The following RBFOX1 variants were observed in gnomAD, a reference collection of about 807,000 sequenced individuals.
RBFOX1 encodes the protein RNA binding protein fox-1 homolog 1.
A neutral mutation model predicts 57.7 loss-of-function variants in RBFOX1; 8 were observed. The ratio of observed to expected loss-of-function variants is 0.14; its 90% CI spans 0.08 to 0.25. The LOEUF (loss-of-function observed/expected upper bound fraction) is 0.25, where lower values mean the gene tolerates loss of function less well. Among genes scored for constraint, RBFOX1 ranks in the 10% least tolerant of loss-of-function variants. The probability of loss-of-function intolerance (pLI) is 1.00; values close to 1 mark genes in which losing one functional copy is unlikely to be tolerated. For missense variants in RBFOX1, 611 were observed against 548.5 expected (o/e 1.11, Z -1.14); for synonymous variants, 326 against 222.4 (o/e 1.47, Z -4.15).
chr16:6,793,095 A>T (rs923860525), intron 3 of RBFOX1, among the ~76,000 whole-genome samples: 4 of 151,992 alleles, frequency 2.6e-5, no homozygotes, highest in Non-Finnish European at 5.9e-5. Flanking sequence ...TCTCTGCCAG[A>T]TTGCACAAAA....
intron 3 of RBFOX1, among the ~76,000 whole-genome samples, chr16:6,810,000 C>G (rs1386323661): frequency 6.7e-6 from 1 of 150,042 alleles, no homozygotes; most frequent in Non-Finnish European, 1.5e-5. Context: ...CTGGGTGTCT[C>G]TCTGAAAAAA....
chr16:5,769,630 G>T (rs535061315), intron 3 of RBFOX1, among the ~76,000 whole-genome samples: 91 of 152,218 alleles, frequency 6.0e-4, no homozygotes, highest in Non-Finnish European at 1.2e-3. Flanking sequence ...TCTAGTCTGG[G>T]CAACAGAGTG....
chr16:5,789,070 C>G (rs1171742227), intron 3 of RBFOX1, among the ~76,000 whole-genome samples: 1 of 152,138 alleles, frequency 6.6e-6, no homozygotes, highest in African/African-American at 2.4e-5. Flanking sequence ...TCCTTGTGCA[C>G]AAACCCTTCC....
chr16:5,788,865 T>A (rs564415085), intron 3 of RBFOX1, among the ~76,000 whole-genome samples: 1 of 152,210 alleles, frequency 6.6e-6, no homozygotes, highest in Non-Finnish European at 1.5e-5. Context: ...CCAAAAGCAA[T>A]TCAGACCTGT....
At chr16:6,483,034 G>T (rs1415364324) in intron 2 of RBFOX1, 6 of 662,734 alleles carry the variant, frequency 9.1e-6, no homozygotes, top group Non-Finnish European at 1.1e-5. Flanking sequence ...GGGCGAGAGA[G>T]GGCGAGCGGC....
intron 2 of RBFOX1, among the ~76,000 whole-genome samples, chr16:6,460,231 G>T (rs1033415961): frequency 6.6e-6 from 1 of 151,858 alleles, no homozygotes; most frequent in Non-Finnish European, 1.5e-5. Flanking sequence ...TGGCTTGTAC[G>T]TGGCCATCTT....
intron 1 of RBFOX1, among the ~76,000 whole-genome samples, chr16:6,195,643 C>T (rs1449267482): frequency 4.0e-5 from 6 of 151,776 alleles, no homozygotes; most frequent in South Asian, 4.2e-4. Context: ...CACTTGAACC[C>T]GGGTGGTGGA....
chr16:5,819,908 G>A (rs1043526107), intron 3 of RBFOX1, among the ~76,000 whole-genome samples: 22 of 152,274 alleles, frequency 1.4e-4, no homozygotes, highest in African/African-American at 3.8e-4. Context: ...ACTCACCTCC[G>A]TTAGAGAGGG....
intron 3 of RBFOX1, among the ~76,000 whole-genome samples, chr16:6,922,365 G>A (rs892754992): frequency 2.0e-5 from 3 of 152,192 alleles, no homozygotes; most frequent in Admixed American, 6.5e-5. Flanking sequence ...CCCCTTGCAA[G>A]CCCACTAAAG....
At chr16:6,927,414 C>CAAAAAA (rs1194663760) in intron 3 of RBFOX1, among the ~76,000 whole-genome samples, 661 of 52,760 alleles carry the variant, frequency 0.013, 78 homozygotes, top group African/African-American at 0.025. Flanking sequence ...CGCTTTCTCA[C>CAAAAAA]AAAAAAAAAA....
chr16:6,578,557 G>T (rs2097481392), intron 2 of RBFOX1, among the ~76,000 whole-genome samples: 1 of 144,978 alleles, frequency 6.9e-6, no homozygotes, highest in Admixed American at 7.2e-5. Context: ...TCCAAACATT[G>T]TGCCCAATGG....
intron 3 of RBFOX1, among the ~76,000 whole-genome samples, chr16:5,860,333 C>T (rs1597529900): frequency 1.3e-5 from 2 of 152,140 alleles, no homozygotes; most frequent in African/African-American, 4.8e-5. Context: ...CCTCCACCTC[C>T]CAAAGTGCTG....
intron 1 of RBFOX1, among the ~76,000 whole-genome samples, chr16:5,306,026 C>G (rs1190413781): frequency 6.6e-6 from 1 of 152,098 alleles, no homozygotes; most frequent in African/African-American, 2.4e-5. Context: ...ACTCCCACCT[C>G]TACAAAATTA....
intron 1 of RBFOX1, among the ~76,000 whole-genome samples, chr16:6,305,346 G>A (rs1359330107): frequency 6.6e-6 from 1 of 152,176 alleles, no homozygotes; most frequent in Non-Finnish European, 1.5e-5. Flanking sequence ...GGATGTCAGT[G>A]CAATGCTGCA....
intron 2 of RBFOX1, among the ~76,000 whole-genome samples, chr16:6,597,852 C>T (rs866233733): frequency 1.3e-5 from 2 of 152,148 alleles, no homozygotes. Context: ...TGGTGTTGAT[C>T]CTTGGAGCTG....
At position 7,275,651 on chromosome 16, in the gene RBFOX1, T is replaced by A. The variant is rs1296059746; in HGVS notation, c.27+223553T>A. Among the ~76,000 whole-genome samples the A allele has an allele frequency of 4.6e-5, 7 of 152,204 alleles. No individual in the cohort carries two copies. In the East Asian group the frequency reaches 1.2e-3, roughly 25 times the overall value. ...CTGTGCAAATGATGAGCTTATCTGT[T>A]TCGGGGAACATAATTGGAGTTCTGG... On this transcript the variant is annotated intron_variant, in intron 4 of 15. Transcript: ENST00000550418.
At chr16:7,130,383 C>T (rs562581742) in intron 4 of RBFOX1, among the ~76,000 whole-genome samples, 10 of 152,248 alleles carry the variant, frequency 6.6e-5, no homozygotes, top group Admixed American at 1.3e-4. Context: ...AGTGTTTGTC[C>T]ATTGTGCTCT....
chr16:6,175,383 A>T (rs2096997084), intron 1 of RBFOX1, among the ~76,000 whole-genome samples: 1 of 152,178 alleles, frequency 6.6e-6, no homozygotes, highest in South Asian at 2.1e-4. Flanking sequence ...GAGATTTATG[A>T]TGCGCATTAG....
At chr16:6,467,715 C>G (rs1456340862) in intron 2 of RBFOX1, among the ~76,000 whole-genome samples, 1 of 152,206 alleles carries the variant, frequency 6.6e-6, no homozygotes, top group Non-Finnish European at 1.5e-5. Context: ...CCACTGGACT[C>G]TTCCATCTAT....
Sources: allele counts gnomAD v4.1 joint callset (sites outside exome capture counted in the v4.1 genomes callset), GRCh38; gene constraint gnomAD v4.1.1; transcripts MANE v1.5; gene names NCBI Gene and HGNC (gene_info 2026-07-23, HGNC 2026-07-21).